Variants in CPNE4 observed in about 807,000 individuals in gnomAD.
The protein encoded by CPNE4 is copine-4.
In CPNE4, 25 loss-of-function variants were observed where a neutral mutation model predicts 67.9. The observed-to-expected ratio is 0.37, with a 90% CI of 0.27 to 0.51. The LOEUF is 0.51. Ranked by LOEUF, CPNE4 falls within the 20% of genes least tolerant of loss-of-function variation. The pLI is 0.93. For missense variants in CPNE4, 464 were observed against 690.8 expected (o/e 0.67, Z 3.68); for synonymous variants, 242 against 244.9 (o/e 0.99, Z 0.11).
intron 6 of CPNE4, among the ~76,000 whole-genome samples, chr3:131,681,091 A>G (rs140235467): frequency 0.025 from 3,868 of 152,256 alleles, 117 homozygotes; most frequent in African/African-American, 0.074. Context: ...GGCTGTTTCC[A>G]TATTTTTGCA....
chr3:131,792,317 A>G (rs2107882979), intron 2 of CPNE4, among the ~76,000 whole-genome samples: 1 of 152,058 alleles, frequency 6.6e-6, no homozygotes, highest in South Asian at 2.1e-4. Flanking sequence ...TTTTAATACC[A>G]GTGTAAGAGT....
Position 131,905,385 on chromosome 3 carries a change from C to T in CPNE4, c.59G>A (p.Ser20Asn), listed in dbSNP as rs866979050. 4 of 1,613,394 alleles carry T rather than the reference C, an allele frequency of 2.5e-6. No homozygotes were observed. In the African/African-American group the frequency reaches 5.3e-5, roughly 22 times the overall value. Reference sequence around the variant, plus strand: ...CAGCTCAACTTTGGTCAGGCAGGGGCTGTTAAAGATTCCCAGTGTGTTGGC... The same window carrying T: ...CAGCTCAACTTTGGTCAGGCAGGGGTTGTTAAAGATTCCCAGTGTGTTGGC... Reference protein sequence around the residue: ...SAANTLGIFNSPCLTKVELRV... With the variant: ...SAANTLGIFNNPCLTKVELRV... Residue 20 changes from serine to asparagine, a missense_variant, in exon 2 of 16, where the codon AGC becomes AAC. Transcript: ENST00000429747.
chr3:131,945,587 C>T (rs1320799750), intron 1 of CPNE4, among the ~76,000 whole-genome samples: 4 of 152,170 alleles, frequency 2.6e-5, no homozygotes. Flanking sequence ...AGTCTGAGGT[C>T]CTTCCTACCC....
chr3:131,833,570 C>G (rs567723676), intron 2 of CPNE4, among the ~76,000 whole-genome samples: 32 of 152,096 alleles, frequency 2.1e-4, no homozygotes, highest in African/African-American at 7.5e-4. Flanking sequence ...GTGGCATGTG[C>G]CTGTAGTTCC....
At chr3:131,582,787 T>C (rs1339986500) in intron 8 of CPNE4, among the ~76,000 whole-genome samples, 2 of 152,142 alleles carry the variant, frequency 1.3e-5, no homozygotes, top group African/African-American at 4.8e-5. Flanking sequence ...TCCAGGAGGA[T>C]AAAAGTATAC....
chr3:131,909,652 C>T (rs60859486), intron 1 of CPNE4, among the ~76,000 whole-genome samples: 18,656 of 152,108 alleles, frequency 0.12, 1,322 homozygotes, highest in African/African-American at 0.18. Flanking sequence ...ACATTTTTCT[C>T]CTAGTCTGAG....
Position 131,554,238 on chromosome 3 carries a change from G to A in CPNE4, c.1116+1259C>T, listed in dbSNP as rs146953944. Among the ~76,000 whole-genome samples the A allele has an allele frequency of 3.7e-3, 567 of 152,148 alleles. 4 individuals are homozygous for A. Among genetic ancestry groups the A allele is most frequent in the East Asian group, 0.014 (74 of 5,154 alleles). ...CTGTTTACATTCCCGATTTGAAGGG[G>A]CCTATATCTCCTCAGCTCCAGCTTA... On this transcript the variant is annotated intron_variant, in intron 12 of 15. Transcript: ENST00000429747.
intron 3 of CPNE4, among the ~76,000 whole-genome samples, chr3:131,718,961 C>T (rs1387807141): frequency 6.6e-6 from 1 of 152,178 alleles, no homozygotes; most frequent in Non-Finnish European, 1.5e-5. Flanking sequence ...ATCACTGTGG[C>T]CACACAAATG....
intron 3 of CPNE4, among the ~76,000 whole-genome samples, chr3:131,720,575 C>T (rs1163589187): frequency 2.0e-5 from 3 of 152,118 alleles, no homozygotes; most frequent in Non-Finnish European, 4.4e-5. Context: ...TGAGCCACCG[C>T]GCCCGGCTAG....
chr3:131,792,623 A>ATATATATACACACTTGTATATATG (rs2083762909), intron 2 of CPNE4, among the ~76,000 whole-genome samples: 1 of 76,046 alleles, frequency 1.3e-5, no homozygotes, highest in African/African-American at 4.9e-5. Flanking sequence ...ATATATGTAT[A>ATATATATACACACTTGTATATATG]TATATATACA....
rs139944632 is a variant in CPNE4, at chr3:131,771,777, T to C, written c.181-48152A>G. 7.2e-5 allele frequency among the ~76,000 whole-genome samples: 11 copies of C among 152,252 alleles called. No homozygotes were observed. In the East Asian group the frequency reaches 1.5e-3, roughly 21 times the overall value. On this transcript the variant is annotated intron_variant, in intron 2 of 15. Coordinates refer to ENST00000429747, the MANE Select transcript of CPNE4 (RefSeq NM_130808.3). The stretch of plus-strand genomic sequence containing the variant: ...AGGAAATTTGGATGCAGAATCCACA[T>C]TGATTTTTCAAAATCCCCATTCTGA...
chr3:131,921,853 G>A (rs578215351), intron 1 of CPNE4, among the ~76,000 whole-genome samples: 1 of 152,278 alleles, frequency 6.6e-6, no homozygotes, highest in East Asian at 1.9e-4. Context: ...GCCCAGAGAA[G>A]ATAGACATGC....
At chr3:131,660,857 A>C (rs2080105884) in intron 7 of CPNE4, among the ~76,000 whole-genome samples, 1 of 152,164 alleles carries the variant, frequency 6.6e-6, no homozygotes, top group African/African-American at 2.4e-5. Flanking sequence ...TATGTGACTG[A>C]GTTCTACCCA....
intron 1 of CPNE4, among the ~76,000 whole-genome samples, chr3:131,970,257 C>A (rs565451163): frequency 6.6e-6 from 1 of 152,306 alleles, no homozygotes; most frequent in East Asian, 1.9e-4. Flanking sequence ...TGAAGACACA[C>A]CAACCCCCAC....
At chr3:131,738,967 G>C (rs550942645) in intron 2 of CPNE4, among the ~76,000 whole-genome samples, 1 of 150,850 alleles carries the variant, frequency 6.6e-6, no homozygotes, top group East Asian at 2.0e-4. Flanking sequence ...CGATTCTCCT[G>C]CCTCAGCCTC....
intron 1 of CPNE4, among the ~76,000 whole-genome samples, chr3:132,004,759 C>T (rs2073542371): frequency 6.6e-6 from 1 of 152,208 alleles, no homozygotes; most frequent in South Asian, 2.1e-4. Context: ...GGACATGAGC[C>T]ACTATGGTTA....
intron 1 of CPNE4, among the ~76,000 whole-genome samples, chr3:132,013,346 A>G (rs2073817515): frequency 6.6e-6 from 1 of 152,244 alleles, no homozygotes; most frequent in African/African-American, 2.4e-5. Context: ...AGGAGTGAAT[A>G]AAACACAAGG....
intron 2 of CPNE4, among the ~76,000 whole-genome samples, chr3:131,794,649 C>T (rs2083870297): frequency 6.6e-6 from 1 of 152,214 alleles, no homozygotes; most frequent in South Asian, 2.1e-4. Flanking sequence ...AAGGATCTTC[C>T]TGTATTCCTC....
At chr3:131,622,039 A>AG (rs1940504855) in intron 7 of CPNE4, among the ~76,000 whole-genome samples, 1 of 149,558 alleles carries the variant, frequency 6.7e-6, no homozygotes, top group Non-Finnish European at 1.5e-5. Flanking sequence ...AAAAAAAAAA[A>AG]GAAAAGAAAA....
Sources: gnomAD v4.1 joint callset for allele counts (sites outside exome capture counted in the v4.1 genomes callset) on GRCh38, gnomAD v4.1.1 for gene constraint, MANE v1.5 for transcripts, NCBI Gene and HGNC (gene_info 2026-07-23, HGNC 2026-07-21) for gene names.